The following PPFIA2 variants were observed in gnomAD, a reference collection of about 807,000 sequenced individuals.
The protein encoded by PPFIA2 is PPFI scaffold protein A2, also known as liprin-alpha-2.
A neutral mutation model predicts 175.5 loss-of-function variants in PPFIA2; 46 were observed. That is an observed-to-expected ratio of 0.26 (90% CI 0.21 to 0.34). PPFIA2 has a LOEUF of 0.34. Among genes scored for constraint, PPFIA2 ranks in the 10% least tolerant of loss-of-function variants. The pLI, the probability that PPFIA2 is intolerant of heterozygous loss-of-function variation, is 1.00. For missense variants in PPFIA2, 1,179 were observed against 1,506.1 expected, an observed-to-expected ratio of 0.78 and a Z score of 3.60; for synonymous variants, 568 against 511.4, an observed-to-expected ratio of 1.11 and a Z score of -1.49.
chr12:81,520,870 A>G (rs979379176), intron 4 of PPFIA2, among the ~76,000 whole-genome samples: 1 of 152,220 alleles, frequency 6.6e-6, no homozygotes, highest in Non-Finnish European at 1.5e-5. Flanking sequence ...GGCAGGATTT[A>G]TACCATGCAG....
chr12:81,326,342 T>C (rs2054755236), intron 21 of PPFIA2, among the ~76,000 whole-genome samples: 1 of 152,128 alleles, frequency 6.6e-6, no homozygotes, highest in Non-Finnish European at 1.5e-5. Context: ...GTTGAGAGAA[T>C]GGAGAAACAT....
At chr12:81,420,417 C>T (rs1241885392) in intron 7 of PPFIA2, among the ~76,000 whole-genome samples, 1 of 151,506 alleles carries the variant, frequency 6.6e-6, no homozygotes, top group Non-Finnish European at 1.5e-5. Context: ...AACACAGATA[C>T]ACAACTTGAA....
chr12:81,744,041 T>C (rs188298610), intron 3 of PPFIA2, among the ~76,000 whole-genome samples: 108 of 152,304 alleles, frequency 7.1e-4, no homozygotes, highest in African/African-American at 2.5e-3. Context: ...ACTATAATTC[T>C]TTTGTATGTA....
intron 4 of PPFIA2, among the ~76,000 whole-genome samples, chr12:81,605,375 G>A (rs2060186464): frequency 6.6e-6 from 1 of 151,724 alleles, no homozygotes; most frequent in African/African-American, 2.4e-5. Flanking sequence ...GAGAGAGACA[G>A]ATGAAAGTAG....
At chr12:81,596,998 C>T (rs1359004195) in intron 4 of PPFIA2, among the ~76,000 whole-genome samples, 5 of 151,990 alleles carry the variant, frequency 3.3e-5, no homozygotes, top group Non-Finnish European at 7.4e-5. Flanking sequence ...TTAGAGATCC[C>T]TTCAAAAAAT....
chr12:81,696,155 C>T (rs917406710), intron 3 of PPFIA2, among the ~76,000 whole-genome samples: 2 of 152,056 alleles, frequency 1.3e-5, no homozygotes, highest in South Asian at 2.1e-4. Flanking sequence ...ATAAAACTTA[C>T]GTAACAATAG....
intron 4 of PPFIA2, among the ~76,000 whole-genome samples, chr12:81,654,973 T>C (rs1442963523): frequency 2.6e-5 from 4 of 152,112 alleles, no homozygotes; most frequent in African/African-American, 9.6e-5. Flanking sequence ...AGATTTTTAA[T>C]TGAAGATTTT....
Position 81,259,601 on chromosome 12 carries a change from C to T in PPFIA2, c.*93G>A, listed in dbSNP as rs1249877130. On this transcript the variant is annotated 3_prime_UTR_variant, in exon 33 of 33. Transcript: ENST00000549396. ...AGAATTCAGTTTTCACAAAGGTTTT[C>T]ACTGCTCGTCTTCTTAGATGGTAGT... 6.6e-7 allele frequency: 1 copy of T among 1,525,704 alleles called. No individual in the cohort carries two copies. Among genetic ancestry groups the T allele is most frequent in the Non-Finnish European group, 8.8e-7 (1 of 1,137,946 alleles). The allele number at this position is 1,525,704 out of a possible 1,614,324, so 94.5% of individuals were successfully genotyped here. A position where few individuals can be genotyped will look rare whatever the true frequency, so the allele number is the denominator to read the frequency against.
At chr12:81,686,278 G>A (rs983855313) in intron 3 of PPFIA2, among the ~76,000 whole-genome samples, 1 of 151,990 alleles carries the variant, frequency 6.6e-6, no homozygotes, top group African/African-American at 2.4e-5. Context: ...GAGAACATCA[G>A]ATTTAGCCAA....
intron 4 of PPFIA2, among the ~76,000 whole-genome samples, chr12:81,551,307 T>C (rs1375106497): frequency 6.6e-6 from 1 of 152,002 alleles, no homozygotes; most frequent in African/African-American, 2.4e-5. Context: ...TATCAGGTGC[T>C]GCATTATTAA....
At chr12:81,672,952 A>G (rs937723581) in intron 4 of PPFIA2, among the ~76,000 whole-genome samples, 2 of 152,052 alleles carry the variant, frequency 1.3e-5, no homozygotes, top group African/African-American at 4.8e-5. Flanking sequence ...AAATAGCTAC[A>G]TAACAATCAA....
chr12:81,691,658 A>G (rs1216659849), intron 3 of PPFIA2, among the ~76,000 whole-genome samples: 5 of 152,078 alleles, frequency 3.3e-5, no homozygotes. Context: ...CTTTTATTGT[A>G]CAGATTGCAT....
At chr12:81,390,713 T>C (rs2142221540) in intron 8 of PPFIA2, among the ~76,000 whole-genome samples, 1 of 152,090 alleles carries the variant, frequency 6.6e-6, no homozygotes, top group South Asian at 2.1e-4. Context: ...ATAGCTTTTC[T>C]CTATTCTGTA....
At chr12:81,490,333 T>A (rs1164429012) in intron 4 of PPFIA2, among the ~76,000 whole-genome samples, 1 of 151,916 alleles carries the variant, frequency 6.6e-6, no homozygotes, top group Non-Finnish European at 1.5e-5. Context: ...AATCTCAGCA[T>A]AAACATTTGC....
chr12:81,357,291 G>A (rs2060996403), intron 16 of PPFIA2, among the ~76,000 whole-genome samples: 1 of 152,122 alleles, frequency 6.6e-6, no homozygotes, highest in African/African-American at 2.4e-5. Flanking sequence ...TGCCTACTAT[G>A]ATGGATTAAT....
chr12:81,592,407 G>T (rs2058765930), intron 4 of PPFIA2, among the ~76,000 whole-genome samples: 1 of 152,134 alleles, frequency 6.6e-6, no homozygotes, highest in Admixed American at 6.6e-5. Flanking sequence ...AGACATTTGG[G>T]ATGGGTCTGG....
intron 4 of PPFIA2, among the ~76,000 whole-genome samples, chr12:81,564,695 T>G (rs1351596859): frequency 3.3e-5 from 5 of 152,268 alleles, no homozygotes; most frequent in Admixed American, 3.3e-4. Context: ...ACCTAATACC[T>G]TTGACCATAT....
intron 22 of PPFIA2, among the ~76,000 whole-genome samples, chr12:81,300,858 C>A (rs2047648117): frequency 1.3e-5 from 2 of 152,062 alleles, no homozygotes; most frequent in African/African-American, 4.8e-5. Flanking sequence ...CTATTAGGTA[C>A]TTATTGAACA....
intron 4 of PPFIA2, among the ~76,000 whole-genome samples, chr12:81,550,464 G>A (rs571597207): frequency 1.7e-4 from 26 of 151,974 alleles, no homozygotes; most frequent in African/African-American, 5.6e-4. Context: ...GATCCAATTA[G>A]ACAGAAGGTA....
Sources: gnomAD v4.1 joint callset for allele counts (sites outside exome capture counted in the v4.1 genomes callset) on GRCh38, gnomAD v4.1.1 for gene constraint, MANE v1.5 for transcripts, NCBI Gene and HGNC (gene_info 2026-07-23, HGNC 2026-07-21) for gene names.